MARCHF4: variants seen among roughly 807,000 people sequenced by gnomAD.
The protein encoded by MARCHF4 is membrane associated ring-CH-type finger 4.
A neutral mutation model predicts 43.9 loss-of-function variants in MARCHF4; 14 were observed. The ratio of observed to expected loss-of-function variants is 0.32; its 90% CI spans 0.21 to 0.50. The LOEUF (loss-of-function observed/expected upper bound fraction) is 0.50, where lower values mean the gene tolerates loss of function less well. MARCHF4 is among the 20% of genes least tolerant of loss of function. MARCHF4 has a pLI of 0.98. For missense variants in MARCHF4, 468 were observed against 536.7 expected, an observed-to-expected ratio of 0.87 and a Z score of 1.27; for synonymous variants, 226 against 213.3, an observed-to-expected ratio of 1.06 and a Z score of -0.52.
At chr2:216,325,540 G>A (rs1406599371) in intron 1 of MARCHF4, among the ~76,000 whole-genome samples, 3 of 152,136 alleles carry the variant, frequency 2.0e-5, no homozygotes, top group Non-Finnish European at 2.9e-5. Context: ...AAAGCTGGAG[G>A]CATCACACTA....
chr2:216,326,384 A>C (rs1426946954), intron 1 of MARCHF4, among the ~76,000 whole-genome samples: 1 of 148,260 alleles, frequency 6.7e-6, no homozygotes, highest in Admixed American at 6.8e-5. Context: ...TAGTTCAACC[A>C]TTGTGGAAGT....
At chr2:216,308,626 T>C (rs1691629280) in intron 1 of MARCHF4, among the ~76,000 whole-genome samples, 1 of 152,226 alleles carries the variant, frequency 6.6e-6, no homozygotes, top group African/African-American at 2.4e-5. Flanking sequence ...CTCTGAGTTG[T>C]GATCCTTCCA....
At chr2:216,327,795 C>T (rs889337187) in intron 1 of MARCHF4, among the ~76,000 whole-genome samples, 1 of 152,130 alleles carries the variant, frequency 6.6e-6, no homozygotes, top group African/African-American at 2.4e-5. Context: ...AGATTGTGCC[C>T]AGGCAGAGGG....
intron 3 of MARCHF4, among the ~76,000 whole-genome samples, chr2:216,263,560 A>AAAAG (rs377231508): frequency 2.6e-5 from 4 of 151,678 alleles, no homozygotes; most frequent in Non-Finnish European, 4.4e-5. Context: ...AGAAAGAAGA[A>AAAAG]AAAGAAAGAA....
At chr2:216,274,114 C>G (rs1690984990) in intron 3 of MARCHF4, among the ~76,000 whole-genome samples, 1 of 152,226 alleles carries the variant, frequency 6.6e-6, no homozygotes, top group East Asian at 1.9e-4. Flanking sequence ...GTGACCTGAA[C>G]TGAGTATGAC....
At chr2:216,299,298 G>A (rs1195443030) in intron 1 of MARCHF4, among the ~76,000 whole-genome samples, 1 of 152,182 alleles carries the variant, frequency 6.6e-6, no homozygotes, top group East Asian at 1.9e-4. Context: ...TAGCTTGGGT[G>A]TTTTGCCTTC....
At chr2:216,337,091 G>A (rs771837802) in intron 1 of MARCHF4, among the ~76,000 whole-genome samples, 18 of 151,672 alleles carry the variant, frequency 1.2e-4, no homozygotes, top group Non-Finnish European at 2.5e-4. Flanking sequence ...GACGGAGGTT[G>A]CAGTGAGCTG....
At chr2:216,322,894 A>G (rs112901094) in intron 1 of MARCHF4, among the ~76,000 whole-genome samples, 7 of 152,354 alleles carry the variant, frequency 4.6e-5, no homozygotes, top group Non-Finnish European at 7.3e-5. Flanking sequence ...TTTGTTGAAC[A>G]TGGAAACATT....
intron 1 of MARCHF4, among the ~76,000 whole-genome samples, chr2:216,336,425 TTGG>T (rs1692158179): frequency 6.6e-6 from 1 of 152,142 alleles, no homozygotes; most frequent in African/African-American, 2.4e-5. Context: ...CTCAGACTTG[TTGG>T]TGATCTCCAA....
rs1016373042 is a variant in MARCHF4 at position 216,259,091 on chromosome 2, T to C, written c.*221A>G. ...ATTGCACTTTGTTGTTGAGTTGGTG[T>C]TGGTTTTCATTGTTGTTGTGGAGAG... On this transcript the variant is annotated 3_prime_UTR_variant, in exon 4 of 4. Transcript: ENST00000273067. 1.1e-5 allele frequency: 5 copies of C among 469,468 alleles called. No homozygotes were observed. The highest frequency in any genetic ancestry group is 1.8e-5 in the Non-Finnish European group (5 of 278,350). 29.1% of individuals were successfully genotyped at this position (469,468 alleles called of 1,614,324 possible). A position where few individuals can be genotyped will look rare whatever the true frequency, so the allele number is the denominator to read the frequency against.
At chr2:216,348,747 A>C (rs898975598) in intron 1 of MARCHF4, among the ~76,000 whole-genome samples, 4 of 152,144 alleles carry the variant, frequency 2.6e-5, no homozygotes, top group Non-Finnish European at 5.9e-5. Context: ...TCTTGCTAGA[A>C]ATCCAAGAAC....
At chr2:216,363,649 T>C (rs1316500732) in intron 1 of MARCHF4, among the ~76,000 whole-genome samples, 1 of 152,164 alleles carries the variant, frequency 6.6e-6, no homozygotes, top group Admixed American at 6.5e-5. Context: ...GCTCCCCCTT[T>C]CCCAGGATGG....
At position 216,320,663 on chromosome 2, in the gene MARCHF4, CTTTCTTTCTTTCTT is replaced by C. The variant is rs1212840562; in HGVS notation, c.517-36948_517-36935del. Among the ~76,000 whole-genome samples the C allele has an allele frequency of 2.2e-3, 215 of 96,970 alleles. 2 individuals carry two copies. The highest frequency in any genetic ancestry group is 4.2e-3 in the South Asian group (12 of 2,854). The allele number at this position is 96,970 out of a possible 152,430, so 63.6% of individuals were successfully genotyped here. A position where few individuals can be genotyped will look rare whatever the true frequency, so the allele number is the denominator to read the frequency against. On this transcript the variant is annotated intron_variant, in intron 1 of 3. Coordinates refer to ENST00000273067, the MANE Select transcript of MARCHF4 (RefSeq NM_020814.3). ...TCTTTCTTTCTTTCTTTCTTTCTTT[CTTTCTTTCTTTCTT>C]TTTTTTTTTTTGAGATGGAGTCCCA... is the stretch of plus-strand genomic sequence containing the variant.
chr2:216,261,161 T>C (rs1232051315), intron 3 of MARCHF4, among the ~76,000 whole-genome samples: 1 of 152,138 alleles, frequency 6.6e-6, no homozygotes, highest in African/African-American at 2.4e-5. Context: ...TAGCTTAAAA[T>C]GGGATGCATG....
chr2:216,324,238 A>T (rs1404286070), intron 1 of MARCHF4, among the ~76,000 whole-genome samples: 1 of 147,992 alleles, frequency 6.8e-6, no homozygotes, highest in Admixed American at 6.8e-5. Context: ...ATTCCTCGAC[A>T]CATACACTCT....
At chr2:216,315,596 A>G (rs941400767) in intron 1 of MARCHF4, among the ~76,000 whole-genome samples, 28 of 152,342 alleles carry the variant, frequency 1.8e-4, no homozygotes, top group Admixed American at 5.9e-4. Flanking sequence ...TTTTACTGAC[A>G]TGAAAATGCC....
intron 1 of MARCHF4, among the ~76,000 whole-genome samples, chr2:216,293,174 C>T (rs754059223): frequency 5.3e-5 from 8 of 152,172 alleles, no homozygotes; most frequent in Admixed American, 1.3e-4. Context: ...GGCTGGAGTC[C>T]GTCCCAGCCA....
intron 1 of MARCHF4, among the ~76,000 whole-genome samples, chr2:216,348,044 T>G (rs539162358): frequency 6.7e-6 from 1 of 149,198 alleles, no homozygotes; most frequent in East Asian, 2.0e-4. Context: ...TTTTTTTTTT[T>G]TTTTTTTTTT....
At chr2:216,275,419 G>A (rs1691003614) in intron 3 of MARCHF4, among the ~76,000 whole-genome samples, 2 of 152,142 alleles carry the variant, frequency 1.3e-5, no homozygotes, top group East Asian at 1.9e-4. Flanking sequence ...TGCACTCAAA[G>A]TCACAGGTGG....
Sources: gnomAD v4.1 joint callset for allele counts (sites outside exome capture counted in the v4.1 genomes callset) on GRCh38, gnomAD v4.1.1 for gene constraint, MANE v1.5 for transcripts, NCBI Gene and HGNC (gene_info 2026-07-23, HGNC 2026-07-21) for gene names.